The following AOX1 variants were observed in gnomAD, a reference collection of about 807,000 sequenced individuals.
AOX1 encodes aldehyde oxidase 1, also known as aldehyde oxidase.
Under a neutral mutation model 169.5 loss-of-function variants are expected in AOX1, and 153 were observed. The ratio of observed to expected loss-of-function variants is 0.90; its 90% CI spans 0.79 to 1.03. The LOEUF (loss-of-function observed/expected upper bound fraction) is 1.03, where lower values mean the gene tolerates loss of function less well. AOX1 is among the 50% of genes least tolerant of loss of function. The pLI, the probability that AOX1 is intolerant of heterozygous loss-of-function variation, is 0.00. For synonymous variants in AOX1, 562 were observed against 581.9 expected (o/e 0.97, Z 0.49); for missense variants, 1,656 against 1,663.9 (o/e 1.00, Z 0.08).
chr2:200,602,666 G>A (rs1305223364), intron 6 of AOX1, among the ~76,000 whole-genome samples: 1 of 152,028 alleles, frequency 6.6e-6, no homozygotes, highest in East Asian at 1.9e-4. Flanking sequence ...AACATGTGAC[G>A]GGCATACACA....
At chr2:200,626,605 G>A (rs916007136) in intron 19 of AOX1, among the ~76,000 whole-genome samples, 33 of 152,302 alleles carry the variant, frequency 2.2e-4, no homozygotes, top group Non-Finnish European at 4.4e-5. Flanking sequence ...AGAGCCAATA[G>A]GAGCTAGTGT....
chr2:200,648,054 A>C (rs1479239048), intron 25 of AOX1, among the ~76,000 whole-genome samples: 2 of 152,084 alleles, frequency 1.3e-5, no homozygotes, highest in African/African-American at 4.8e-5. Context: ...CTCCCTGATT[A>C]GTTTAATAAC....
chr2:200,622,838 T>C (rs1422575106), intron 18 of AOX1, among the ~76,000 whole-genome samples: 1 of 152,176 alleles, frequency 6.6e-6, no homozygotes, highest in Non-Finnish European at 1.5e-5. Flanking sequence ...CTTTTAAAAG[T>C]CTTTTCATTG....
chr2:200,602,682 C>T (rs904978231), intron 6 of AOX1, among the ~76,000 whole-genome samples: 4 of 152,116 alleles, frequency 2.6e-5, no homozygotes, highest in Admixed American at 1.3e-4. Flanking sequence ...ACACATGTCC[C>T]GTCACAGCTT....
chr2:200,588,456 C>T (rs954169271), intron 1 of AOX1, among the ~76,000 whole-genome samples: 1 of 152,172 alleles, frequency 6.6e-6, no homozygotes, highest in African/African-American at 2.4e-5. Flanking sequence ...GTATTTTTAA[C>T]ATAATGGCCA....
chr2:200,656,077 G>A (rs1451720680), intron 26 of AOX1, among the ~76,000 whole-genome samples: 2 of 152,194 alleles, frequency 1.3e-5, no homozygotes, highest in Non-Finnish European at 2.9e-5. Context: ...CCACACCCAT[G>A]CGGTCAGCAC....
At chr2:200,594,032 C>T (rs1452418229) in intron 2 of AOX1, among the ~76,000 whole-genome samples, 1 of 152,150 alleles carries the variant, frequency 6.6e-6, no homozygotes, top group Non-Finnish European at 1.5e-5. Context: ...TCAGGTTCTT[C>T]AGGATGTGGA....
downstream of AOX1, among the ~76,000 whole-genome samples, chr2:200,682,028 A>G (rs1022433647): frequency 2.0e-5 from 3 of 152,160 alleles, no homozygotes; most frequent in East Asian, 1.9e-4. Flanking sequence ...AAAAAACACT[A>G]CGACTCATAA....
chr2:200,609,876 T>G (rs2034598831), intron 12 of AOX1, among the ~76,000 whole-genome samples: 1 of 152,206 alleles, frequency 6.6e-6, no homozygotes, highest in South Asian at 2.1e-4. Context: ...CTATATTTAT[T>G]TACTTGATTT....
chr2:200,667,056 C>T (rs959102013), intron 32 of AOX1, among the ~76,000 whole-genome samples: 4 of 152,142 alleles, frequency 2.6e-5, no homozygotes, highest in South Asian at 2.1e-4. Context: ...AGTTAGTGCC[C>T]AGTGCTGAGC....
intron 29 of AOX1, among the ~76,000 whole-genome samples, chr2:200,661,376 A>C (rs1267032814): frequency 1.3e-5 from 2 of 152,242 alleles, no homozygotes; most frequent in African/African-American, 2.4e-5. Context: ...GCGGGCATTT[A>C]GTACAATCAT....
intron 30 of AOX1, 118 bp from the exon 31 acceptor site, chr2:200,662,737 C>T (rs774124861): frequency 4.5e-5 from 33 of 730,756 alleles, no homozygotes; most frequent in Non-Finnish European, 7.8e-5. Flanking sequence ...GGTGCTGGCA[C>T]ATACATTAGG....
intron 32 of AOX1, among the ~76,000 whole-genome samples, chr2:200,668,293 G>A (rs186826267): frequency 6.6e-6 from 1 of 151,978 alleles, no homozygotes; most frequent in Admixed American, 6.6e-5. Flanking sequence ...ATTTTTAGTA[G>A]AGACGGGATT....
At chr2:200,643,412 T>TATAC (rs1553575185) in intron 25 of AOX1, among the ~76,000 whole-genome samples, 1 of 149,998 alleles carries the variant, frequency 6.7e-6, no homozygotes, top group South Asian at 2.1e-4. Context: ...TATATATATA[T>TATAC]ACATACATAC....
rs1559237286 is a variant in AOX1 at position 200,611,508 on chromosome 2, C to T, written c.1263+15C>T. 6.6e-7 allele frequency: 1 copy of T among 1,522,742 alleles called. No individual in the cohort carries two copies. Among genetic ancestry groups the T allele is most frequent in the Non-Finnish European group, 9.1e-7 (1 of 1,096,932 alleles). The allele number at this position is 1,522,742 out of a possible 1,614,324, so 94.3% of individuals were successfully genotyped here. A position where few individuals can be genotyped will look rare whatever the true frequency, so the allele number is the denominator to read the frequency against. On this transcript the variant is annotated intron_variant, in intron 13 of 34. Transcript: ENST00000374700. The stretch of plus-strand genomic sequence containing the variant: ...ACTCAAGGAAGGTGAGAACATCCCA[C>T]TGTCAATTTCCCAGTTGCACCTGTG...
At position 200,613,829 on chromosome 2, in the gene AOX1, A is replaced by G. The variant is rs879593513; in HGVS notation, c.1474A>G (p.Ile492Val). The G allele has an allele frequency of 1.2e-6, 2 of 1,612,566 alleles. No homozygotes were observed. The highest frequency in any genetic ancestry group is 1.7e-5 in the Admixed American group (1 of 59,998). The change falls in exon 15 of 35, where the codon ATA (isoleucine) becomes GTA (valine). Residue 492 changes from isoleucine (I) to valine (V), a missense_variant. Ile to Val is a conservative substitution (Grantham distance 29). Coordinates refer to ENST00000374700, the MANE Select transcript of AOX1 (RefSeq NM_001159.4). ...GRHWNEQMLD[I>V]ACRLILNEVS... The stretch of plus-strand genomic sequence containing the variant: ...GCACTGGAACGAACAGATGCTGGAT[A>G]TAGCCTGCAGGCTTATTCTGAATGA...
intron 25 of AOX1, among the ~76,000 whole-genome samples, chr2:200,645,652 T>C (rs1306022156): frequency 2.0e-5 from 3 of 151,822 alleles, no homozygotes; most frequent in Non-Finnish European, 4.4e-5. Context: ...TTGGTACCAA[T>C]TCTTCTTTGA....
intron 1 of AOX1, among the ~76,000 whole-genome samples, chr2:200,587,323 A>G (rs2034059770): frequency 6.6e-6 from 1 of 152,160 alleles, no homozygotes; most frequent in Non-Finnish European, 1.5e-5. Flanking sequence ...CAACCAAGCA[A>G]GAGCAGTGGC....
downstream of AOX1, among the ~76,000 whole-genome samples, chr2:200,673,769 A>G (rs2036059060): frequency 6.6e-6 from 1 of 152,162 alleles, no homozygotes; most frequent in Non-Finnish European, 1.5e-5. Flanking sequence ...TCTGCAGCCT[A>G]GGTTATCTAG....
Sources: allele counts gnomAD v4.1 joint callset (sites outside exome capture counted in the v4.1 genomes callset), GRCh38; gene constraint gnomAD v4.1.1; transcripts MANE v1.5; gene names NCBI Gene and HGNC (gene_info 2026-07-23, HGNC 2026-07-21).